Variants in LAMA1 observed in about 807,000 individuals in gnomAD.
LAMA1 encodes the protein laminin subunit alpha-1.
In LAMA1, 219 loss-of-function variants were observed where a neutral mutation model predicts 348.7. That is an observed-to-expected ratio of 0.63 (90% CI 0.56 to 0.70). LAMA1 has a LOEUF of 0.70. Among genes scored for constraint, LAMA1 ranks in the 30% least tolerant of loss-of-function variants. LAMA1 has a pLI of 0.00. For synonymous variants in LAMA1, 1,487 were observed against 1,491.0 expected (o/e 1.00, Z 0.06); for missense variants, 3,744 against 3,888.0 (o/e 0.96, Z 0.99).
chr18:7,062,783 G>A (rs11877593), intron 3 of LAMA1, among the ~76,000 whole-genome samples: 1 of 151,894 alleles, frequency 6.6e-6, no homozygotes, highest in Non-Finnish European at 1.5e-5. Flanking sequence ...ACACTTCCCC[G>A]CTCTTGCCTC....
intron 57 of LAMA1, chr18:6,954,968 T>A: frequency 1.6e-4 from 54 of 331,134 alleles, no homozygotes; most frequent in Admixed American, 3.0e-4. Flanking sequence ...CTCGGGATTT[T>A]GGCCACCACA....
At chr18:6,967,392 A>G (rs1261528872) in intron 48 of LAMA1, among the ~76,000 whole-genome samples, 2 of 152,230 alleles carry the variant, frequency 1.3e-5, no homozygotes, top group African/African-American at 4.8e-5. Context: ...GGCCAACCAC[A>G]GTGCATGTGC....
chr18:6,986,153 T>A lies in LAMA1; in HGVS notation c.5363A>T (p.Asn1788Ile), dbSNP rs1350353769. The change falls in exon 37 of 63, where the codon AAT becomes ATT. Residue 1788 changes from asparagine (N) to isoleucine (I), a missense_variant. Asn to Ile is a moderately radical substitution (Grantham distance 149, BLOSUM62 -3). Coordinates refer to ENST00000389658, the MANE Select transcript of LAMA1 (RefSeq NM_005559.4). ...GAGACTCACACTGAATTCTCTCAGATTAGCATTGACCATGAGCAGCAGGTG... is the reference window on the plus strand; with the variant it reads ...GAGACTCACACTGAATTCTCTCAGAATAGCATTGACCATGAGCAGCAGGTG... ...SNHLLLMVNANLREFSDKKLH... is the reference protein window; with the variant it reads ...SNHLLLMVNAILREFSDKKLH... 1.9e-6 allele frequency: 3 copies of A among 1,614,122 alleles called. No homozygotes were observed. The highest frequency in any genetic ancestry group is 2.5e-6 in the Non-Finnish European group (3 of 1,180,046).
intron 29 of LAMA1, among the ~76,000 whole-genome samples, chr18:7,005,462 G>A (rs1036794585): frequency 4.6e-5 from 7 of 152,164 alleles, no homozygotes; most frequent in Non-Finnish European, 8.8e-5. Flanking sequence ...AATATCTGAA[G>A]GGACAGCCGG....
intron 48 of LAMA1, among the ~76,000 whole-genome samples, chr18:6,969,762 G>T (rs4470231): frequency 0.6 from 91,196 of 151,924 alleles, 29,131 homozygotes; most frequent in East Asian, 0.79. Context: ...AAGGTCCAGG[G>T]TGTGTGGAAA....
intron 56 of LAMA1, 89 bp from the exon 57 acceptor site, chr18:6,955,554 G>A (rs764790690): frequency 4.6e-6 from 4 of 868,194 alleles, no homozygotes; most frequent in Non-Finnish European, 7.7e-6. Flanking sequence ...GGCCATCTAC[G>A]AAGCAATCCC....
At chr18:7,025,749 G>A (rs79257221) in intron 17 of LAMA1, among the ~76,000 whole-genome samples, 1,729 of 152,284 alleles carry the variant, frequency 0.011, 34 homozygotes, top group African/African-American at 0.038. Context: ...GAGGGAAAAC[G>A]GCGTGTATAG....
At chr18:7,045,958 T>C (rs2058040466) in intron 6 of LAMA1, among the ~76,000 whole-genome samples, 1 of 152,052 alleles carries the variant, frequency 6.6e-6, no homozygotes, top group Admixed American at 6.6e-5. Context: ...TTGCACTTTT[T>C]TTTTTTTTTA....
rs1356704003 is a variant in LAMA1, at chr18:7,011,843, CTGAT to C, written c.3507+148_3507+151del. 3 of 887,878 alleles carry C rather than the reference CTGAT, an allele frequency of 3.4e-6. No homozygotes were observed. In the African/African-American group the frequency reaches 5.1e-5, roughly 15 times the overall value. The allele number at this position is 887,878 out of a possible 1,614,324, so 55.0% of individuals were successfully genotyped here. On this transcript the variant is annotated intron_variant, in intron 24 of 62. Transcript: ENST00000389658. The stretch of plus-strand genomic sequence containing the variant: ...TTCCTCGGCCAGCAGAAGCTGAGCT[CTGAT>C]TCCTGTTCTAACCCAAATTAGCTTC...
chr18:6,999,845 A>G, intron 31 of LAMA1, 66 bp downstream of exon 31: 1 of 1,429,818 alleles, frequency 7.0e-7, no homozygotes, highest in Non-Finnish European at 9.9e-7. Context: ...TATAGTAAAT[A>G]TGCCCAATAC....
intron 51 of LAMA1, 108 bp from the exon 52 acceptor site, chr18:6,962,167 A>G: frequency 1.3e-6 from 1 of 774,626 alleles, no homozygotes; most frequent in Non-Finnish European, 2.3e-6. Context: ...TATGCCTGTA[A>G]TCCCAGCACT....
At chr18:6,943,088 C>A in intron 62 of LAMA1, 92 bp downstream of exon 62, 2 of 1,083,788 alleles carry the variant, frequency 1.8e-6, no homozygotes, top group South Asian at 1.3e-5. Context: ...AACCATGTAC[C>A]TTTCTCAATC....
At position 7,074,967 on chromosome 18, in the gene LAMA1, C is replaced by CAAAA. The variant is rs773818069; in HGVS notation, c.345+5004_345+5007dup. Among the ~76,000 whole-genome samples the CAAAA allele has an allele frequency of 3.8e-5, 2 of 52,258 alleles. 1 individual carries two copies. Among genetic ancestry groups the CAAAA allele is most frequent in the Non-Finnish European group, 6.6e-5 (2 of 30,298 alleles). The allele number at this position is 52,258 out of a possible 152,430, so 34.3% of individuals were successfully genotyped here. ...GATAACCAAACCTAATACATAGAGG[C>CAAAA]AAAAAAAAAAAAAAAAAAAAAAAAA... On this transcript the variant is annotated intron_variant, in intron 3 of 62. Coordinates refer to ENST00000389658, the MANE Select transcript of LAMA1 (RefSeq NM_005559.4).
At position 6,993,760 on chromosome 18, in the gene LAMA1, A is replaced by C. The variant is rs768678469; in HGVS notation, c.4897-8T>G. ...CGCTAACATCCTAGTGAGCTGGTGG[A>C]AAAATAAAGTCTCAGGTTAGTTTGA... is the stretch of plus-strand genomic sequence containing the variant. On this transcript the variant is annotated splice_region_variant and splice_polypyrimidine_tract_variant and intron_variant, in intron 34 of 62. Coordinates refer to ENST00000389658, the MANE Select transcript of LAMA1 (RefSeq NM_005559.4). 5 of 1,525,040 alleles carry C rather than the reference A, an allele frequency of 3.3e-6. No individual in the cohort carries two copies. The Admixed American group carries it at 6.7e-5, about 20-fold the overall frequency. 94.5% of individuals were successfully genotyped at this position (1,525,040 alleles called of 1,614,324 possible). A position where few individuals can be genotyped will look rare whatever the true frequency, so the allele number is the denominator to read the frequency against.
intron 1 of LAMA1, among the ~76,000 whole-genome samples, chr18:7,115,719 C>A (rs192050858): frequency 1.3e-5 from 2 of 148,826 alleles, no homozygotes; most frequent in African/African-American, 4.9e-5. Context: ...GCCTGCAAAC[C>A]CAGCACTTTG....
At chr18:7,115,814 CAAAA>C (rs557585224) in intron 1 of LAMA1, among the ~76,000 whole-genome samples, 9 of 94,840 alleles carry the variant, frequency 9.5e-5, no homozygotes, top group East Asian at 5.3e-4. Context: ...ACTAAAAATA[CAAAA>C]AAAAAAAAAA....
chr18:6,971,245 A>G (rs766285208), intron 48 of LAMA1, among the ~76,000 whole-genome samples: 2 of 152,212 alleles, frequency 1.3e-5, no homozygotes, highest in Non-Finnish European at 2.9e-5. Flanking sequence ...TGCACTTGGT[A>G]AGGTTAAGTC....
intron 21 of LAMA1, 102 bp from the exon 22 acceptor site, chr18:7,015,960 T>C: frequency 7.1e-7 from 1 of 1,409,904 alleles, no homozygotes; most frequent in Admixed American, 1.8e-5. Flanking sequence ...CAAGCCACTC[T>C]TCTCACTCCT....
chr18:7,009,584 C>G (rs7230295), intron 26 of LAMA1, among the ~76,000 whole-genome samples: 9,454 of 152,152 alleles, frequency 0.062, 408 homozygotes, highest in African/African-American at 0.12. Context: ...GCAGTGCCAG[C>G]CACACAGCAA....
Sources: allele counts gnomAD v4.1 joint callset (sites outside exome capture counted in the v4.1 genomes callset), GRCh38; gene constraint gnomAD v4.1.1; transcripts MANE v1.5; gene names NCBI Gene and HGNC (gene_info 2026-07-23, HGNC 2026-07-21).